Variants in ARHGAP6 observed in about 807,000 individuals in gnomAD.
The protein encoded by ARHGAP6 is rho GTPase-activating protein 6.
In ARHGAP6, 16 loss-of-function variants were observed where a neutral mutation model predicts 55.7. That is an observed-to-expected ratio of 0.29 (90% CI 0.19 to 0.44). The LOEUF is 0.44. Ranked by LOEUF, ARHGAP6 falls within the 20% of genes least tolerant of loss-of-function variation. ARHGAP6 has a pLI of 1.00. For missense variants in ARHGAP6, 698 were observed against 808.9 expected (o/e 0.86, Z 1.66); for synonymous variants, 382 against 360.9 (o/e 1.06, Z -0.66).
At chrX:11,351,711 C>T in intron 1 of ARHGAP6, 1 of 359,510 alleles carries the variant, frequency 2.8e-6, no homozygotes, top group Non-Finnish European at 3.6e-6. Context: ...TAATACTAGG[C>T]TGACTTCCCA....
At chrX:11,356,175 A>G (rs1226634787) in intron 1 of ARHGAP6, among the ~76,000 whole-genome samples, 1 of 110,670 alleles carries the variant, frequency 9.0e-6, no homozygotes, top group Non-Finnish European at 1.9e-5. Flanking sequence ...CTAGTTTGAC[A>G]CACCACATGT....
chrX:11,529,155 A>G, intron 1 of ARHGAP6, among the ~76,000 whole-genome samples: 1 of 111,747 alleles, frequency 8.9e-6, no homozygotes, highest in East Asian at 2.8e-4. Context: ...TAAGTGCTTG[A>G]TAAATGCCAG....
chrX:11,450,456 C>A lies in ARHGAP6; in HGVS notation c.589-195749G>T, dbSNP rs897749419. 2.7e-5 allele frequency among the ~76,000 whole-genome samples: 3 copies of A among 111,877 alleles called. No homozygotes were observed. The East Asian group carries it at 8.4e-4, about 31-fold the overall frequency. On this transcript the variant is annotated intron_variant, in intron 1 of 12. Transcript: ENST00000337414. Reference sequence around the variant, plus strand: ...GGAGAAGAGAAATGTTTTTCTGGAACTGAGCACCTGAGCCTGCTGGGCTTC... The same window carrying A: ...GGAGAAGAGAAATGTTTTTCTGGAAATGAGCACCTGAGCCTGCTGGGCTTC...
intron 1 of ARHGAP6, among the ~76,000 whole-genome samples, chrX:11,325,104 C>T (rs746514144): frequency 2.9e-4 from 33 of 112,108 alleles, no homozygotes; most frequent in South Asian, 7.5e-4. Flanking sequence ...ATGATCCACC[C>T]GCCTCGGCCT....
intron 1 of ARHGAP6, among the ~76,000 whole-genome samples, chrX:11,465,802 C>T (rs2050286591): frequency 8.9e-6 from 1 of 112,091 alleles, no homozygotes; most frequent in African/African-American, 3.2e-5. Context: ...ATGTCAGGTG[C>T]TCAAAAGCCA....
At chrX:11,236,571 G>A (rs1420374216) in intron 2 of ARHGAP6, among the ~76,000 whole-genome samples, 1 of 111,594 alleles carries the variant, frequency 9.0e-6, no homozygotes, top group Non-Finnish European at 1.9e-5. Context: ...GGAGGGGAAT[G>A]AAAAACTAAC....
intron 1 of ARHGAP6, among the ~76,000 whole-genome samples, chrX:11,583,373 C>T (rs1266376425): frequency 2.7e-5 from 3 of 112,175 alleles, no homozygotes; most frequent in Non-Finnish European, 3.8e-5. Flanking sequence ...ATTGTTTAAA[C>T]ACACAAAATA....
chrX:11,481,860 G>A (rs1172744671), intron 1 of ARHGAP6, among the ~76,000 whole-genome samples: 2 of 112,147 alleles, frequency 1.8e-5, no homozygotes, highest in Non-Finnish European at 3.8e-5. Context: ...CTGAATACAG[G>A]TCCAGTATTC....
At chrX:11,477,176 AAT>A (rs2050412309) in intron 1 of ARHGAP6, among the ~76,000 whole-genome samples, 1 of 93,510 alleles carries the variant, frequency 1.1e-5, no homozygotes, top group African/African-American at 4.4e-5. Flanking sequence ...AAAAAAAAAC[AAT>A]TTTTCAAGCT....
intron 4 of ARHGAP6, among the ~76,000 whole-genome samples, chrX:11,187,641 G>A (rs1420708269): frequency 8.9e-6 from 1 of 111,732 alleles, no homozygotes; most frequent in African/African-American, 3.3e-5. Context: ...TAAATGTTAG[G>A]GGCTGATTGA....
chrX:11,340,707 A>C (rs113006816), intron 1 of ARHGAP6, among the ~76,000 whole-genome samples: 1,926 of 103,426 alleles, frequency 0.019, 63 homozygotes, highest in African/African-American at 0.041. Flanking sequence ...CCAGCCTGGG[A>C]GAAAGAGTGA....
chrX:11,212,647 T>G (rs1230740322), intron 2 of ARHGAP6, among the ~76,000 whole-genome samples: 1 of 112,086 alleles, frequency 8.9e-6, no homozygotes, highest in African/African-American at 3.2e-5. Context: ...GAGAACTGAC[T>G]GATAATGAAC....
At chrX:11,611,284 G>A (rs1205001391) in intron 1 of ARHGAP6, among the ~76,000 whole-genome samples, 1 of 112,035 alleles carries the variant, frequency 8.9e-6, no homozygotes, top group Non-Finnish European at 1.9e-5. Context: ...CAATTACTAA[G>A]AACCCATAAT....
At chrX:11,461,730 A>G (rs1018036591) in intron 1 of ARHGAP6, among the ~76,000 whole-genome samples, 2 of 112,285 alleles carry the variant, frequency 1.8e-5, no homozygotes, top group Non-Finnish European at 3.8e-5. Context: ...AGTTCAGCAG[A>G]ACATTATCAA....
chrX:11,378,501 C>T (rs995339039), intron 1 of ARHGAP6, among the ~76,000 whole-genome samples: 7 of 112,124 alleles, frequency 6.2e-5, no homozygotes. Flanking sequence ...TTTCCATTCC[C>T]GAAGACCATC....
At chrX:11,362,406 C>G (rs2049023783) in intron 1 of ARHGAP6, among the ~76,000 whole-genome samples, 1 of 109,653 alleles carries the variant, frequency 9.1e-6, no homozygotes, top group Non-Finnish European at 1.9e-5. Flanking sequence ...ATCGCAAGAA[C>G]AAAAAACCAA....
At chrX:11,446,856 A>G (rs1246496133) in intron 1 of ARHGAP6, among the ~76,000 whole-genome samples, 1 of 111,815 alleles carries the variant, frequency 8.9e-6, no homozygotes, top group East Asian at 2.8e-4. Context: ...AATCATAAGA[A>G]CGACATTGAG....
At chrX:11,490,434 T>C (rs12013132) in intron 1 of ARHGAP6, among the ~76,000 whole-genome samples, 8,506 of 111,379 alleles carry the variant, frequency 0.076, 352 homozygotes, top group East Asian at 0.18. Flanking sequence ...GAAGTTGAAC[T>C]GAAGCCCCAG....
chrX:11,146,102 T>C (rs771378354), intron 10 of ARHGAP6, among the ~76,000 whole-genome samples: 10 of 112,262 alleles, frequency 8.9e-5, no homozygotes. Flanking sequence ...AGGCCACAGT[T>C]AGGAGAAGGA....
Sources: gnomAD v4.1 joint callset for allele counts (sites outside exome capture counted in the v4.1 genomes callset) on GRCh38, gnomAD v4.1.1 for gene constraint, MANE v1.5 for transcripts, NCBI Gene and HGNC (gene_info 2026-07-23, HGNC 2026-07-21) for gene names.